Variants in M1AP observed in about 807,000 individuals in gnomAD.
M1AP encodes the protein meiosis 1 arrest protein.
M1AP carries 39 observed loss-of-function variants against 51.2 expected under a neutral mutation model. The ratio of observed to expected loss-of-function variants is 0.76; its 90% CI spans 0.59 to 1.00. The LOEUF is 1.00. Among genes scored for constraint, M1AP ranks in the 50% least tolerant of loss-of-function variants. The probability of loss-of-function intolerance (pLI) is 0.00; values close to 1 mark genes in which losing one functional copy is unlikely to be tolerated. For missense variants in M1AP, 545 were observed against 641.2 expected, an observed-to-expected ratio of 0.85 and a Z score of 1.62; for synonymous variants, 251 against 249.2, an observed-to-expected ratio of 1.01 and a Z score of -0.07.
intron 1 of M1AP, among the ~76,000 whole-genome samples, chr2:74,642,432 A>T (rs1379151909): frequency 2.0e-5 from 3 of 152,226 alleles, no homozygotes; most frequent in Admixed American, 6.5e-5. Flanking sequence ...TTTAAAACCC[A>T]GCATTTGTGC....
chr2:74,592,724 C>G (rs1680119468), intron 4 of M1AP, among the ~76,000 whole-genome samples: 2 of 152,108 alleles, frequency 1.3e-5, no homozygotes, highest in African/African-American at 4.8e-5. Context: ...TGACCTTTAT[C>G]TATGCTGAGA....
Position 74,640,074 on chromosome 2 carries a change from T to C in M1AP, c.202A>G (p.Met68Val), listed in dbSNP as rs759016176. ...PSRMSLFSLYMVQDQHECILP... is the reference protein window; with the variant it reads ...PSRMSLFSLYVVQDQHECILP... ...ATGCACTCATGCTGATCTTGTACCA[T>C]GTATAAACTGAACAGGGACATGCGG... The change falls in exon 2 of 11, where the codon ATG becomes GTG. Residue 68 changes from methionine (M) to valine (V), a missense_variant. Coordinates refer to ENST00000421985, the MANE Select transcript of M1AP (RefSeq NM_001321739.2). 24 of 1,614,194 alleles carry C rather than the reference T, an allele frequency of 1.5e-5. No individual in the cohort carries two copies. Among genetic ancestry groups the C allele is most frequent in the Non-Finnish European group, 1.9e-5 (23 of 1,180,028 alleles).
chr2:74,620,202 T>C (rs1458551273), intron 2 of M1AP, among the ~76,000 whole-genome samples: 4 of 152,124 alleles, frequency 2.6e-5, no homozygotes, highest in East Asian at 1.9e-4. Context: ...TCCTAGATAA[T>C]GTAATACAAA....
chr2:74,622,891 C>A (rs1682146159), intron 2 of M1AP, among the ~76,000 whole-genome samples: 2 of 145,268 alleles, frequency 1.4e-5, no homozygotes, highest in Admixed American at 6.9e-5. Context: ...GTAGAGATAC[C>A]AATTAATTTA....
chr2:74,595,268 G>C (rs1680263353), intron 4 of M1AP, among the ~76,000 whole-genome samples: 1 of 152,052 alleles, frequency 6.6e-6, no homozygotes, highest in Admixed American at 6.6e-5. Flanking sequence ...TCCCCACTTG[G>C]CCTCCCACAG....
intron 4 of M1AP, among the ~76,000 whole-genome samples, chr2:74,595,847 C>T (rs915925118): frequency 3.3e-5 from 5 of 152,202 alleles, no homozygotes; most frequent in Non-Finnish European, 5.9e-5. Context: ...AAGGTCTTTG[C>T]ATTTTATGTG....
intron 1 of M1AP, among the ~76,000 whole-genome samples, chr2:74,641,002 C>T (rs569308218): frequency 6.6e-6 from 1 of 152,328 alleles, no homozygotes; most frequent in African/African-American, 2.4e-5. Flanking sequence ...GGGTAGAGAA[C>T]CTGTCTTGTT....
At chr2:74,601,050 C>T (rs1680645331) in intron 4 of M1AP, among the ~76,000 whole-genome samples, 1 of 151,970 alleles carries the variant, frequency 6.6e-6, no homozygotes, top group African/African-American at 2.4e-5. Context: ...ATTTAATCAT[C>T]ACAAAAACCC....
At chr2:74,646,745 T>C (rs973856028) in intron 1 of M1AP, among the ~76,000 whole-genome samples, 2 of 152,240 alleles carry the variant, frequency 1.3e-5, no homozygotes, top group Non-Finnish European at 2.9e-5. Flanking sequence ...TTTACTGTTT[T>C]ACATTTCCCT....
chr2:74,558,982 G>A (rs1677709075), intron 10 of M1AP, 108 bp from the exon 11 acceptor site: 7 of 1,110,812 alleles, frequency 6.3e-6, no homozygotes, highest in Non-Finnish European at 7.4e-6. Context: ...TCATTCCCTG[G>A]AGTGACAGCC....
intron 2 of M1AP, among the ~76,000 whole-genome samples, chr2:74,617,971 G>A (rs1325636472): frequency 2.0e-5 from 3 of 152,150 alleles, no homozygotes; most frequent in African/African-American, 7.2e-5. Context: ...TGGTTCTCTG[G>A]AGTAAAGCAA....
chr2:74,586,397 G>GTA (rs1232066433), intron 4 of M1AP, among the ~76,000 whole-genome samples: 4 of 152,116 alleles, frequency 2.6e-5, no homozygotes, highest in Admixed American at 2.0e-4. Context: ...ACTTTTTCCT[G>GTA]TAACTCTTGA....
At chr2:74,647,929 C>T (rs976334487) in intron 1 of M1AP, 9 of 765,068 alleles carry the variant, frequency 1.2e-5, no homozygotes, top group Non-Finnish European at 1.4e-5. Context: ...AAAAAATTCT[C>T]GTGGCTCCCT....
Position 74,607,144 on chromosome 2 carries a change from C to T in M1AP, c.506G>A (p.Arg169Lys). ...CTCAACGACCTGAAACCTCCTGACT[C>T]TGGCTAGGTCTGTATCTTTCAACCC... ...EEGLKDTDLARVRRFQVVEVT... is the reference protein window; with the variant it reads ...EEGLKDTDLAKVRRFQVVEVT... The change falls in exon 4 of 11, where the codon AGA becomes AAA. Residue 169 changes from arginine to lysine, a missense_variant. Coordinates refer to ENST00000421985, the MANE Select transcript of M1AP (RefSeq NM_001321739.2). The T allele has an allele frequency of 6.2e-7, 1 of 1,614,188 alleles. No individual in the cohort carries two copies. The highest frequency in any genetic ancestry group is 8.5e-7 in the Non-Finnish European group (1 of 1,180,024).
At chr2:74,643,754 T>C (rs1017331689) in intron 1 of M1AP, among the ~76,000 whole-genome samples, 5 of 151,882 alleles carry the variant, frequency 3.3e-5, no homozygotes, top group African/African-American at 9.7e-5. Context: ...CCACAATGCC[T>C]CTCTAATTTG....
chr2:74,564,740 G>GC (rs1678264644), intron 7 of M1AP, among the ~76,000 whole-genome samples: 1 of 152,132 alleles, frequency 6.6e-6, no homozygotes, highest in African/African-American at 2.4e-5. Flanking sequence ...GGTTGGACCT[G>GC]CCCCTGCTCT....
At chr2:74,580,912 C>A (rs1337549678) in intron 5 of M1AP, among the ~76,000 whole-genome samples, 3 of 152,176 alleles carry the variant, frequency 2.0e-5, no homozygotes, top group Non-Finnish European at 4.4e-5. Context: ...GCTTTCCCAA[C>A]CTCAGTGTGG....
chr2:74,628,470 A>C, intron 2 of M1AP: 1 of 423,892 alleles, frequency 2.4e-6, no homozygotes, highest in Non-Finnish European at 4.7e-6. Flanking sequence ...CATACCCATG[A>C]TAACCACTGC....
chr2:74,622,561 T>C (rs1162901773), intron 2 of M1AP, among the ~76,000 whole-genome samples: 2 of 151,184 alleles, frequency 1.3e-5, no homozygotes, highest in Non-Finnish European at 2.9e-5. Flanking sequence ...TTTTTTTTTT[T>C]TTCTATTTTT....
Sources: allele counts gnomAD v4.1 joint callset (sites outside exome capture counted in the v4.1 genomes callset), GRCh38; gene constraint gnomAD v4.1.1; transcripts MANE v1.5; gene names NCBI Gene and HGNC (gene_info 2026-07-23, HGNC 2026-07-21).